The following GSS variants were observed in gnomAD, a reference collection of about 807,000 sequenced individuals.
GSS encodes the protein glutathione synthetase, also known as GSH synthetase.
In GSS, 34 loss-of-function variants were observed where a neutral mutation model predicts 60.4. The ratio of observed to expected loss-of-function variants is 0.56; its 90% CI spans 0.43 to 0.75. The LOEUF (loss-of-function observed/expected upper bound fraction) is 0.75. GSS is among the 30% of genes least tolerant of loss of function. GSS has a pLI of 0.00. For synonymous variants in GSS, 224 were observed against 239.0 expected, an observed-to-expected ratio of 0.94 and a Z score of 0.58; for missense variants, 499 against 595.1, an observed-to-expected ratio of 0.84 and a Z score of 1.68.
intron 3 of GSS, among the ~76,000 whole-genome samples, chr20:34,943,462 C>T (rs1270739106): frequency 1.3e-5 from 2 of 152,142 alleles, no homozygotes; most frequent in Non-Finnish European, 1.5e-5. Context: ...CTACCCTCTG[C>T]GACCTCCCAG....
Position 34,931,342 on chromosome 20 carries a change from C to CCT in GSS, c.1103_1104dup (p.Gly369ArgfsTer16). On this transcript the variant is annotated frameshift_variant, in exon 11 of 13. Coordinates refer to ENST00000651619, the MANE Select transcript of GSS (RefSeq NM_000178.4). LOFTEE classifies it high-confidence loss of function. ...CAAAGGGAGATCCACCTACCTCCAC[C>CCT]CTCTCTCTGGGGCTTTAGCACAAAC... The CCT allele has an allele frequency of 6.2e-7, 1 of 1,613,616 alleles. No individual in the cohort carries two copies. Among genetic ancestry groups the CCT allele is most frequent in the Non-Finnish European group, 8.5e-7 (1 of 1,179,482 alleles).
chr20:34,948,578 G>A (rs1207067066), intron 2 of GSS, among the ~76,000 whole-genome samples: 1 of 152,154 alleles, frequency 6.6e-6, no homozygotes, highest in East Asian at 1.9e-4. Context: ...AAGATCAAGA[G>A]ATCGAGACCA....
Position 34,928,831 on chromosome 20 carries a change from C to T in GSS, c.1422G>A (p.Val474=), listed in dbSNP as rs367953336. ...GTCCCGTGGCCTGGTTGTGCCCTCA[C>T]ACAGGGTATGGGTTGTCCAGGACTG... is the stretch of plus-strand genomic sequence containing the variant. ...GVAVLDNPYP[V] is the part of the protein sequence containing the mutation. Residue 474 remains valine, a synonymous_variant, in exon 13 of 13, where the codon GTG becomes GTA. Coordinates refer to ENST00000651619, the MANE Select transcript of GSS (RefSeq NM_000178.4). 6.2e-7 allele frequency: 1 copy of T among 1,614,014 alleles called. No homozygotes were observed. The highest frequency in any genetic ancestry group is 8.5e-7 in the Non-Finnish European group (1 of 1,180,028).
chr20:34,951,542 A>G (rs1227618850), intron 2 of GSS, 182 bp downstream of exon 2: 1 of 669,018 alleles, frequency 1.5e-6, no homozygotes, highest in Non-Finnish European at 2.5e-6. Flanking sequence ...CAAACCCCAT[A>G]TTTAAATTTG....
chr20:34,952,472 T>A (rs905794908), intron 1 of GSS, among the ~76,000 whole-genome samples: 2 of 151,774 alleles, frequency 1.3e-5, no homozygotes, highest in African/African-American at 4.8e-5. Context: ...TCTCACTCAG[T>A]CGCCTAGGCT....
chr20:34,935,461 G>A (rs2081433405), intron 9 of GSS, 115 bp downstream of exon 9: 2 of 780,434 alleles, frequency 2.6e-6, no homozygotes, highest in Admixed American at 1.8e-5. Context: ...AGCTCCCTGA[G>A]AAAGAAGTGA....
At position 34,943,611 on chromosome 20, in the gene GSS, G is replaced by C. The variant is rs529208477; in HGVS notation, c.276-605C>G. ...TGTTTGTTTGTTTCTTCTTCAACTA[G>C]TCCTCATATGATGTGATTTCCTCAG... On this transcript the variant is annotated intron_variant, in intron 3 of 12. Coordinates refer to ENST00000651619, the MANE Select transcript of GSS (RefSeq NM_000178.4). 6.6e-5 allele frequency among the ~76,000 whole-genome samples: 10 copies of C among 152,160 alleles called. No individual in the cohort carries two copies. In the East Asian group the frequency reaches 1.9e-3, roughly 29 times the overall value.
At chr20:34,945,873 G>C (rs1281011846) in intron 3 of GSS, 80 bp downstream of exon 3, 1 of 1,469,050 alleles carries the variant, frequency 6.8e-7, no homozygotes, top group African/African-American at 1.4e-5. Context: ...AGCTGACACA[G>C]TAACACCTCA....
chr20:34,951,520 T>C, intron 2 of GSS: 1 of 604,914 alleles, frequency 1.7e-6, no homozygotes, highest in East Asian at 2.9e-5. Context: ...GTAATTTGCC[T>C]AAGTCACACT....
chr20:34,928,808 C>T lies in GSS; in HGVS notation c.*20G>A. ...ATGACAAATACAGAGGATAGAAGGT[C>T]CCGTGGCCTGGTTGTGCCCTCACAC... is the stretch of plus-strand genomic sequence containing the variant. On this transcript the variant is annotated 3_prime_UTR_variant, in exon 13 of 13. Coordinates refer to ENST00000651619, the MANE Select transcript of GSS (RefSeq NM_000178.4). The T allele has an allele frequency of 6.2e-7, 1 of 1,613,968 alleles. No individual in the cohort carries two copies. The highest frequency in any genetic ancestry group is 8.5e-7 in the Non-Finnish European group (1 of 1,179,886).
intron 3 of GSS, among the ~76,000 whole-genome samples, chr20:34,944,049 C>T (rs1284246848): frequency 1.3e-5 from 2 of 152,198 alleles, no homozygotes. Flanking sequence ...TAGCCCAGGC[C>T]TGCCCTGAAG....
At chr20:34,929,222 G>T in intron 12 of GSS, 179 bp downstream of exon 12, 1 of 723,670 alleles carries the variant, frequency 1.4e-6, no homozygotes, top group East Asian at 2.7e-5. Flanking sequence ...AGGTGGGCAG[G>T]TCTTGGGTCC....
At chr20:34,948,333 A>T (rs906721980) in intron 2 of GSS, among the ~76,000 whole-genome samples, 11 of 151,876 alleles carry the variant, frequency 7.2e-5, no homozygotes, top group African/African-American at 2.7e-4. Flanking sequence ...GGCCTCAAAA[A>T]CTCAGAGTTT....
intron 1 of GSS, among the ~76,000 whole-genome samples, chr20:34,953,805 C>T (rs1451121832): frequency 5.9e-5 from 9 of 151,964 alleles, no homozygotes; most frequent in Non-Finnish European, 2.9e-5. Context: ...TTAGTAGAGA[C>T]GGGGTTTCAC....
At position 34,945,933 on chromosome 20, in the gene GSS, A is replaced by T. The variant is rs734111; in HGVS notation, c.275+20T>A. The T allele has an allele frequency of 2.5e-6, 4 of 1,612,930 alleles. No homozygotes were observed. Among genetic ancestry groups the T allele is most frequent in the Non-Finnish European group, 2.5e-6 (3 of 1,179,244 alleles). On this transcript the variant is annotated intron_variant, in intron 3 of 12. Transcript: ENST00000651619. ...TGGCTCTGGCAGCTCCTGGCCCCCC[A>T]ATGCTTCACTGTCCCCTACCTGGAA...
intron 1 of GSS, among the ~76,000 whole-genome samples, chr20:34,954,104 G>C (rs903478890): frequency 6.6e-6 from 1 of 152,312 alleles, no homozygotes; most frequent in Admixed American, 6.5e-5. Flanking sequence ...TGACATTAGA[G>C]TAATGAAACC....
In GSS at chr20:34,928,937, A is replaced by C. The variant is rs1367919471; in HGVS notation, c.1316T>G (p.Leu439Arg). 2.5e-6 allele frequency: 4 copies of C among 1,613,206 alleles called. No homozygotes were observed. Among genetic ancestry groups the C allele is most frequent in the Non-Finnish European group, 3.4e-6 (4 of 1,179,998 alleles). Residue 439 changes from leucine (L) to arginine (R), a missense_variant, in exon 13 of 13, where the codon CTC (leucine) becomes CGC (arginine). Transcript: ENST00000651619. ...FGVYVRQEKT[L>R]VMNKHVGHLL... is the part of the protein sequence containing the mutation. ...ATGCCCCACGTGCTTGTTCATCACGAGTGTCTTTTCCTGCCTATAGAAATG... is the reference window on the plus strand; with the variant it reads ...ATGCCCCACGTGCTTGTTCATCACGCGTGTCTTTTCCTGCCTATAGAAATG...
In GSS at chr20:34,955,750, G is replaced by T. The variant is rs1600397289; in HGVS notation, c.-32C>A. 1 of 152,264 alleles carries T rather than the reference G, an allele frequency of 6.6e-6. No individual in the cohort carries two copies. The highest frequency in any genetic ancestry group is 2.4e-5 in the African/African-American group (1 of 41,462). 9.4% of individuals were successfully genotyped at this position (152,264 alleles called of 1,614,324 possible). A position where few individuals can be genotyped will look rare whatever the true frequency, so the allele number is the denominator to read the frequency against. On this transcript the variant is annotated 5_prime_UTR_variant, in exon 1 of 13. Coordinates refer to ENST00000651619, the MANE Select transcript of GSS (RefSeq NM_000178.4). ...ACTAGTTCGCCTTTCCTCCGCGAACGGTTCTCCCGGCCCTCGCGCCGCTAC... is the reference window on the plus strand; with the variant it reads ...ACTAGTTCGCCTTTCCTCCGCGAACTGTTCTCCCGGCCCTCGCGCCGCTAC...
At chr20:34,952,831 A>G (rs2081580304) in intron 1 of GSS, 1 of 152,226 alleles carries the variant, frequency 6.6e-6, no homozygotes, top group Non-Finnish European at 1.5e-5. Context: ...AGCAGATCTC[A>G]AATAAATTAC....
Sources: gnomAD v4.1 joint callset for allele counts (sites outside exome capture counted in the v4.1 genomes callset) on GRCh38, gnomAD v4.1.1 for gene constraint, MANE v1.5 for transcripts, NCBI Gene and HGNC (gene_info 2026-07-23, HGNC 2026-07-21) for gene names.